The following PPARD variants were observed in gnomAD, a reference collection of about 807,000 sequenced individuals.
PPARD encodes peroxisome proliferator-activated receptor delta.
PPARD carries 6 observed loss-of-function variants against 39.5 expected under a neutral mutation model. That is an observed-to-expected ratio of 0.15 (90% CI 0.08 to 0.30). The LOEUF is 0.30. Among genes scored for constraint, PPARD ranks in the 10% least tolerant of loss-of-function variants. PPARD has a pLI of 1.00. For synonymous variants in PPARD, 210 were observed against 231.3 expected, an observed-to-expected ratio of 0.91 and a Z score of 0.83; for missense variants, 397 against 596.8, an observed-to-expected ratio of 0.67 and a Z score of 3.49.
At chr6:35,423,752 A>G (rs1182965401) in intron 5 of PPARD, among the ~76,000 whole-genome samples, 194 bp from the exon 6 acceptor site, 4 of 152,080 alleles carry the variant, frequency 2.6e-5, no homozygotes, top group African/African-American at 7.2e-5. Context: ...TACACCAAAA[A>G]AAAAAAAAAA....
intron 2 of PPARD, among the ~76,000 whole-genome samples, chr6:35,370,860 G>C (rs896704584): frequency 9.2e-5 from 14 of 152,168 alleles, no homozygotes; most frequent in East Asian, 3.9e-4. Context: ...GTGTAGCAGG[G>C]AGCTCACACG....
chr6:35,397,701 T>C (rs1764430925), intron 2 of PPARD: 1 of 249,284 alleles, frequency 4.0e-6, no homozygotes, highest in Admixed American at 6.5e-5. Context: ...CTGGGGCTTA[T>C]ATTCTTTGGG....
At chr6:35,392,522 C>T (rs921427268) in intron 2 of PPARD, among the ~76,000 whole-genome samples, 1 of 152,072 alleles carries the variant, frequency 6.6e-6, no homozygotes, top group African/African-American at 2.4e-5. Context: ...ATTCCAAGGC[C>T]AGTCCAGATG....
intron 2 of PPARD, among the ~76,000 whole-genome samples, chr6:35,384,405 C>T: frequency 7.8e-6 from 1 of 127,776 alleles, no homozygotes; most frequent in African/African-American, 3.3e-5. Context: ...AGCCCCTCTG[C>T]CAGGCCAGCC....
rs551946022 is a variant in PPARD at position 35,365,130 on chromosome 6, C to CTTTTTTT, written c.-102+17994_-102+18000dup. On this transcript the variant is annotated intron_variant, in intron 2 of 7. Transcript: ENST00000360694. ...ACCAGACATGTAGAGCTTCCTTATTCTTTTTTTTTTTTTTTTTTTTGAGAT... is the reference window on the plus strand; with the variant it reads ...ACCAGACATGTAGAGCTTCCTTATTCTTTTTTTTTTTTTTTTTTTTTTTTTTTGAGAT... Among the ~76,000 whole-genome samples, 112 of 121,050 alleles carry CTTTTTTT rather than the reference C, an allele frequency of 9.3e-4. 4 individuals are homozygous for CTTTTTTT. The highest frequency in any genetic ancestry group is 5.3e-3 in the East Asian group (21 of 3,952). 79.4% of individuals were successfully genotyped at this position (121,050 alleles called of 152,430 possible).
rs904581930 is a variant in PPARD at position 35,420,405 on chromosome 6, C to T, written c.285+124C>T. ...CTGTACCTATTGCAGAATTCCTGCC[C>T]AGGAGGCAGCCAGGCCCTTGTGCTC... On this transcript the variant is annotated intron_variant, in intron 4 of 7. Coordinates refer to ENST00000360694, the MANE Select transcript of PPARD (RefSeq NM_006238.5). 5 of 1,307,620 alleles carry T rather than the reference C, an allele frequency of 3.8e-6. No homozygotes were observed. The South Asian group carries it at 7.9e-5, about 21-fold the overall frequency. The allele number at this position is 1,307,620 out of a possible 1,614,324, so 81.0% of individuals were successfully genotyped here. A position where few individuals can be genotyped will look rare whatever the true frequency, so the allele number is the denominator to read the frequency against.
At chr6:35,384,032 G>A (rs1763364793) in intron 2 of PPARD, among the ~76,000 whole-genome samples, 1 of 149,888 alleles carries the variant, frequency 6.7e-6, no homozygotes. Context: ...CGTCAGGGAG[G>A]GAGGTGGGGG....
rs543272463 is a variant in PPARD at position 35,401,037 on chromosome 6, T to C, written c.-101-9950T>C. Among the ~76,000 whole-genome samples, 6 of 152,090 alleles carry C rather than the reference T, an allele frequency of 3.9e-5. No homozygotes were observed. The highest frequency in any genetic ancestry group is 7.4e-5 in the Non-Finnish European group (5 of 68,010). Reference sequence around the variant, plus strand: ...CTCCCCAGATACCTGTGTTTGTATGTGTGTGTCATAGTCGGGAATCACTGA... The same window carrying C: ...CTCCCCAGATACCTGTGTTTGTATGCGTGTGTCATAGTCGGGAATCACTGA... On this transcript the variant is annotated intron_variant, in intron 2 of 7. Coordinates refer to ENST00000360694, the MANE Select transcript of PPARD (RefSeq NM_006238.5). This position sits in a 1 kb window ranked among gnomAD's most constrained non-coding sequence, Gnocchi z 4.1.
intron 2 of PPARD, among the ~76,000 whole-genome samples, chr6:35,351,709 A>C (rs1351951932): frequency 6.6e-6 from 1 of 152,076 alleles, no homozygotes; most frequent in Non-Finnish European, 1.5e-5. Flanking sequence ...ATGTGCTACC[A>C]TGCCCAGCTC....
chr6:35,354,800 G>A (rs1312296430), intron 2 of PPARD, among the ~76,000 whole-genome samples: 2 of 152,100 alleles, frequency 1.3e-5, no homozygotes, highest in African/African-American at 2.4e-5. Flanking sequence ...GACTTGTGAC[G>A]TTTTCAACAT....
At chr6:35,403,738 G>A (rs182850090) in intron 2 of PPARD, among the ~76,000 whole-genome samples, 81 of 152,328 alleles carry the variant, frequency 5.3e-4, no homozygotes, top group African/African-American at 1.9e-3. Context: ...CAGGGTTGTG[G>A]TGAGAAGGAA....
chr6:35,349,142 A>G, intron 2 of PPARD: 1 of 625,678 alleles, frequency 1.6e-6, no homozygotes, highest in Non-Finnish European at 2.0e-6. Context: ...TCTCCTGCCT[A>G]AGCCTCCTGA....
chr6:35,389,581 A>T (rs1417204788), intron 2 of PPARD, among the ~76,000 whole-genome samples: 1 of 151,830 alleles, frequency 6.6e-6, no homozygotes, highest in African/African-American at 2.4e-5. Context: ...CCAAAGTGCT[A>T]GGATTACAGG....
Position 35,423,966 on chromosome 6 carries a change from C to T in PPARD, c.445C>T (p.Pro149Ser), listed in dbSNP as rs775821601. 4.3e-6 allele frequency: 7 copies of T among 1,614,140 alleles called. No individual in the cohort carries two copies. In the South Asian group the frequency reaches 7.7e-5, roughly 18 times the overall value. Residue 149 changes from proline (P) to serine (S), a missense_variant, in exon 6 of 8, where the codon CCG (proline) becomes TCG (serine). Physicochemically the swap from Pro to Ser is moderately conservative, Grantham distance 74 (BLOSUM62 -1). Transcript: ENST00000360694. ...TGCAGCTATCCGTTTTGGTCGGATGCCGGAGGCTGAGAAGAGGAAGCTGGT... is the reference window on the plus strand; with the variant it reads ...TGCAGCTATCCGTTTTGGTCGGATGTCGGAGGCTGAGAAGAGGAAGCTGGT... Reference protein sequence around the residue: ...SHNAIRFGRMPEAEKRKLVAG... With the variant: ...SHNAIRFGRMSEAEKRKLVAG...
At chr6:35,348,185 G>C (rs1005622666) in intron 2 of PPARD, among the ~76,000 whole-genome samples, 23 of 152,310 alleles carry the variant, frequency 1.5e-4, no homozygotes, top group Admixed American at 8.5e-4. Context: ...TGGGATTACA[G>C]ATGTGAGCCA....
intron 5 of PPARD, among the ~76,000 whole-genome samples, chr6:35,423,386 T>G (rs974641164): frequency 6.6e-6 from 1 of 151,150 alleles, no homozygotes; most frequent in Non-Finnish European, 1.5e-5. Flanking sequence ...ATACAAAAAT[T>G]AGCCAGGCAT....
intron 2 of PPARD, among the ~76,000 whole-genome samples, chr6:35,385,988 A>G (rs1333010781): frequency 6.6e-6 from 1 of 152,134 alleles, no homozygotes; most frequent in Non-Finnish European, 1.5e-5. Context: ...CAAAGCCCCC[A>G]GAGGGAAGGG....
chr6:35,409,905 G>A (rs937295807), intron 2 of PPARD, among the ~76,000 whole-genome samples: 4 of 152,172 alleles, frequency 2.6e-5, no homozygotes, highest in African/African-American at 4.8e-5. Context: ...TCTGGGGATG[G>A]GACCAGGCAT....
chr6:35,378,012 C>T (rs1270062904), intron 2 of PPARD, among the ~76,000 whole-genome samples: 6 of 151,920 alleles, frequency 3.9e-5, no homozygotes, highest in African/African-American at 9.7e-5. Context: ...TACAGGCGTG[C>T]ACCACCATGC....
Sources: allele counts gnomAD v4.1 joint callset (sites outside exome capture counted in the v4.1 genomes callset), GRCh38; gene constraint gnomAD v4.1.1; non-coding constraint Gnocchi (gnomAD v3.1); transcripts MANE v1.5; gene names NCBI Gene and HGNC (gene_info 2026-07-23, HGNC 2026-07-21).